MTUS2: variants seen among roughly 807,000 people sequenced by gnomAD.
MTUS2 encodes microtubule associated scaffold protein 2.
A neutral mutation model predicts 114.1 loss-of-function variants in MTUS2; 40 were observed. That is an observed-to-expected ratio of 0.35 (90% CI 0.27 to 0.46). The LOEUF (loss-of-function observed/expected upper bound fraction) is 0.46, where lower values mean the gene tolerates loss of function less well. Among genes scored for constraint, MTUS2 ranks in the 20% least tolerant of loss-of-function variants. The pLI, the probability that MTUS2 is intolerant of heterozygous loss-of-function variation, is 1.00. For missense variants in MTUS2, 1,679 were observed against 1,705.4 expected, an observed-to-expected ratio of 0.98 and a Z score of 0.27; for synonymous variants, 688 against 672.0, an observed-to-expected ratio of 1.02 and a Z score of -0.37.
chr13:29,114,968 A>G (rs1295606964), intron 5 of MTUS2, among the ~76,000 whole-genome samples: 1 of 152,256 alleles, frequency 6.6e-6, no homozygotes, highest in East Asian at 1.9e-4. Context: ...TGAATTTGCC[A>G]TGCAGATGAT....
intron 5 of MTUS2, among the ~76,000 whole-genome samples, chr13:29,206,820 A>G (rs1355729627): frequency 6.6e-6 from 1 of 152,126 alleles, no homozygotes; most frequent in Non-Finnish European, 1.5e-5. Context: ...TCCTTATAGT[A>G]TAGTTTGAAG....
chr13:29,332,238 C>T (rs1655426886), intron 7 of MTUS2, among the ~76,000 whole-genome samples: 1 of 152,076 alleles, frequency 6.6e-6, no homozygotes, highest in African/African-American at 2.4e-5. Context: ...AATTTCAGAA[C>T]TTGTTATTGA....
chr13:29,376,672 T>C (rs1871771950), intron 8 of MTUS2, among the ~76,000 whole-genome samples: 1 of 152,218 alleles, frequency 6.6e-6, no homozygotes, highest in South Asian at 2.1e-4. Flanking sequence ...GCCACATTCA[T>C]TACTTTGCTT....
At position 29,407,195 on chromosome 13, in the gene MTUS2, G is replaced by A. The variant is rs1316883604; in HGVS notation, c.3118-32788G>A. On this transcript the variant is annotated intron_variant, in intron 8 of 15. Coordinates refer to ENST00000612955, the MANE Select transcript of MTUS2 (RefSeq NM_001033602.4). ...CCAGAGGCAGGGGTTGCAGTGAGCTGAGGTCGTGCCATGGCACTCCAGCCT... is the reference window on the plus strand; with the variant it reads ...CCAGAGGCAGGGGTTGCAGTGAGCTAAGGTCGTGCCATGGCACTCCAGCCT... 2.0e-5 allele frequency among the ~76,000 whole-genome samples: 3 copies of A among 152,240 alleles called. No individual in the cohort carries two copies. In the East Asian group the frequency reaches 5.8e-4, roughly 30 times the overall value.
intron 9 of MTUS2, among the ~76,000 whole-genome samples, chr13:29,460,160 CT>C (rs1168163414): frequency 3.3e-5 from 5 of 152,122 alleles, no homozygotes; most frequent in African/African-American, 9.7e-5. Context: ...AATATTGAGG[CT>C]CAGAGAAACA....
At chr13:28,835,560 C>T (rs1875022614) in intron 1 of MTUS2, among the ~76,000 whole-genome samples, 1 of 152,106 alleles carries the variant, frequency 6.6e-6, no homozygotes, top group Non-Finnish European at 1.5e-5. Context: ...TGAAAATGTT[C>T]TGGAATTTGA....
intron 2 of MTUS2, among the ~76,000 whole-genome samples, chr13:28,921,494 A>AGGGAGG (rs1056592196): frequency 6.6e-6 from 1 of 152,064 alleles, no homozygotes; most frequent in African/African-American, 2.4e-5. Flanking sequence ...CCTGGAGTTG[A>AGGGAGG]GGGAGGGGTG....
chr13:29,427,033 A>G (rs770010015), intron 8 of MTUS2, among the ~76,000 whole-genome samples: 1 of 152,216 alleles, frequency 6.6e-6, no homozygotes, highest in Non-Finnish European at 1.5e-5. Flanking sequence ...GGTCTGCCCA[A>G]GCTCACTGCC....
intron 6 of MTUS2, among the ~76,000 whole-genome samples, chr13:29,288,439 GA>G (rs1898578231): frequency 1.3e-5 from 2 of 152,226 alleles, no homozygotes; most frequent in Admixed American, 1.3e-4. Flanking sequence ...ATGGAAAGGG[GA>G]AGGGAAGGAG....
chr13:28,923,533 C>T (rs1486587106), intron 2 of MTUS2, among the ~76,000 whole-genome samples: 1 of 152,154 alleles, frequency 6.6e-6, no homozygotes, highest in Non-Finnish European at 1.5e-5. Flanking sequence ...TCCCTCTGGT[C>T]CCTGCTGGTG....
chr13:28,913,447 G>A (rs2984453), intron 2 of MTUS2, among the ~76,000 whole-genome samples: 19,516 of 151,988 alleles, frequency 0.13, 1,510 homozygotes, highest in African/African-American at 0.2. Flanking sequence ...CCAATCTTGC[G>A]TCACGGGGAT....
intron 8 of MTUS2, among the ~76,000 whole-genome samples, chr13:29,420,934 T>TCTTA (rs1287681267): frequency 1.3e-5 from 2 of 152,204 alleles, no homozygotes; most frequent in African/African-American, 4.8e-5. Context: ...AAAAAGATTA[T>TCTTA]CTTACATCAG....
chr13:29,270,814 G>A (rs1402652381), intron 5 of MTUS2, among the ~76,000 whole-genome samples: 1 of 152,152 alleles, frequency 6.6e-6, no homozygotes, highest in African/African-American at 2.4e-5. Flanking sequence ...ACGGCCCTCT[G>A]ACAGGCACAC....
At chr13:28,929,057 C>A (rs575250508) in intron 2 of MTUS2, among the ~76,000 whole-genome samples, 24 of 151,700 alleles carry the variant, frequency 1.6e-4, no homozygotes, top group Non-Finnish European at 3.2e-4. Context: ...TGAAATAAGC[C>A]AAGCACAGAA....
rs142646642 is a variant in MTUS2, at chr13:29,423,062, A to G, written c.3118-16921A>G. Among the ~76,000 whole-genome samples, 19 of 152,320 alleles carry G rather than the reference A, an allele frequency of 1.2e-4. No homozygotes were observed. The East Asian group carries it at 3.7e-3, about 29-fold the overall frequency. The stretch of plus-strand genomic sequence containing the variant: ...ATTTTTATTCAGAGGGGACCTCCCT[A>G]CATGGCCCTTAGCTTGCTGCCATAT... On this transcript the variant is annotated intron_variant, in intron 8 of 15. Coordinates refer to ENST00000612955, the MANE Select transcript of MTUS2 (RefSeq NM_001033602.4).
chr13:29,116,437 T>G (rs192221174), intron 5 of MTUS2, among the ~76,000 whole-genome samples: 95 of 152,316 alleles, frequency 6.2e-4, no homozygotes, highest in African/African-American at 2.2e-3. Flanking sequence ...ACATCAATTC[T>G]TCCTTATCCA....
intron 8 of MTUS2, among the ~76,000 whole-genome samples, chr13:29,403,847 CCCTA>C (rs1204503863): frequency 2.0e-5 from 3 of 152,092 alleles, no homozygotes; most frequent in Non-Finnish European, 4.4e-5. Flanking sequence ...CCATCTATCT[CCCTA>C]CCTATCTATC....
intron 9 of MTUS2, among the ~76,000 whole-genome samples, chr13:29,445,925 G>C (rs183584916): frequency 1.7e-3 from 263 of 151,828 alleles, no homozygotes; most frequent in African/African-American, 6.2e-3. Context: ...AAAAAAGAGA[G>C]AGTTTATATA....
intron 2 of MTUS2, among the ~76,000 whole-genome samples, chr13:28,925,745 C>T (rs1593305258): frequency 6.6e-6 from 1 of 152,188 alleles, no homozygotes; most frequent in African/African-American, 2.4e-5. Context: ...TACAGTACCA[C>T]TGTACGAGGT....
Sources: allele counts gnomAD v4.1 joint callset (sites outside exome capture counted in the v4.1 genomes callset), GRCh38; gene constraint gnomAD v4.1.1; transcripts MANE v1.5; gene names NCBI Gene and HGNC (gene_info 2026-07-23, HGNC 2026-07-21).